The following NEU2 variants were observed in gnomAD, a reference collection of about 807,000 sequenced individuals.
The protein encoded by NEU2 is sialidase-2.
NEU2 carries 7 observed loss-of-function variants against 6.3 expected under a neutral mutation model. The observed-to-expected ratio is 1.12, with a 90% CI of 0.63 to 2.10. The LOEUF is 2.10. Ranked by LOEUF, NEU2 falls within the 30% of genes most tolerant of loss-of-function variation. The pLI is 0.00. For missense variants in NEU2, 509 were observed against 504.0 expected (o/e 1.01, Z -0.09); for synonymous variants, 208 against 223.3 (o/e 0.93, Z 0.61).
At position 233,034,902 on chromosome 2, in the gene NEU2, G is replaced by A. The variant is rs745367449; in HGVS notation, c.988G>A (p.Gly330Ser). 3.1e-6 allele frequency: 5 copies of A among 1,614,024 alleles called. No homozygotes were observed. In the Admixed American group the frequency reaches 5.0e-5, roughly 16 times the overall value. ...AWSEPVLLAK[G>S]SCAYSDLQSM... ...GTCAGAGCCGGTACTGCTGGCCAAGGGCAGCTGTGCCTACTCAGACCTCCA... is the reference window on the plus strand; with the variant it reads ...GTCAGAGCCGGTACTGCTGGCCAAGAGCAGCTGTGCCTACTCAGACCTCCA... Residue 330 changes from glycine to serine, a missense_variant, in exon 2 of 2, where the codon GGC becomes AGC. By Grantham distance (56) the Gly-to-Ser change is moderately conservative (BLOSUM62 0). Transcript: ENST00000233840. The surrounding 1 kb of genome is among the most constrained non-coding windows in gnomAD (Gnocchi z 4.8).
Position 233,034,037 on chromosome 2 carries a change from A to C in NEU2, c.202-79A>C, listed in dbSNP as rs1193114362. On this transcript the variant is annotated intron_variant, in intron 1 of 1. Coordinates refer to ENST00000233840, the MANE Select transcript of NEU2 (RefSeq NM_005383.2). This position sits in a 1 kb window ranked among gnomAD's most constrained non-coding sequence, Gnocchi z 4.8. ...TAACCCGGGAGACACACCCGTGCCC[A>C]CCCCTCCCACTCATGCAGCTCCTGG... is the stretch of plus-strand genomic sequence containing the variant. The C allele has an allele frequency of 1.6e-6, 2 of 1,247,838 alleles. No homozygotes were observed. Among genetic ancestry groups the C allele is most frequent in the Non-Finnish European group, 1.1e-6 (1 of 894,704 alleles). 77.3% of individuals were successfully genotyped at this position (1,247,838 alleles called of 1,614,324 possible). A position where few individuals can be genotyped will look rare whatever the true frequency, so the allele number is the denominator to read the frequency against.
chr2:233,032,784 C>T lies in NEU2; in HGVS notation c.113C>T (p.Ala38Val), dbSNP rs144401355. ...GGGCAGCAGTCCCTGCTGGCCTTCG[C>T]GGAACAGCGGGCAAGCAAGAAGGAT... ...LPGQQSLLAF[A>V]EQRASKKDEH... is the part of the protein sequence containing the mutation. The change falls in exon 1 of 2, where the codon GCG becomes GTG. Residue 38 changes from alanine to valine, a missense_variant. Physicochemically the swap from Ala to Val is moderately conservative, Grantham distance 64. Coordinates refer to ENST00000233840, the MANE Select transcript of NEU2 (RefSeq NM_005383.2). The T allele has an allele frequency of 2.3e-5, 37 of 1,614,070 alleles. No homozygotes were observed. The highest frequency in any genetic ancestry group is 3.3e-4 in the Middle Eastern group (2 of 6,084).
Position 233,034,204 on chromosome 2 carries a change from C to T in NEU2, c.290C>T (p.Thr97Ile). Residue 97 changes from threonine to isoleucine, a missense_variant, in exon 2 of 2, where the codon ACC (threonine) becomes ATC (isoleucine). Thr to Ile is a moderately conservative substitution (Grantham distance 89, BLOSUM62 -1). Transcript: ENST00000233840. The surrounding 1 kb of genome is among the most constrained non-coding windows in gnomAD (Gnocchi z 4.8). ...PCPLYDAQTGTLFLFFIAIPG... is the reference protein window; with the variant it reads ...PCPLYDAQTGILFLFFIAIPG... ...CCCTTGTATGACGCGCAGACGGGGA[C>T]CCTCTTCCTCTTCTTCATTGCCATC... The T allele has an allele frequency of 6.2e-7, 1 of 1,614,144 alleles. No homozygotes were observed. Among genetic ancestry groups the T allele is most frequent in the Non-Finnish European group, 8.5e-7 (1 of 1,180,028 alleles).
chr2:233,034,634 C>G lies in NEU2; in HGVS notation c.720C>G (p.Leu240=). Residue 240 remains leucine, a synonymous_variant, in exon 2 of 2, where the codon CTC becomes CTG. Transcript: ENST00000233840. This position sits in a 1 kb window ranked among gnomAD's most constrained non-coding sequence, Gnocchi z 4.8. ...TGACCCTCAACGCGAGAAGCCACCT[C>G]CGAGCCAGGGTCCAGGCCCAGAGCA... The part of the protein sequence containing the change: ...RVVTLNARSH[L]RARVQAQSTN... The G allele has an allele frequency of 1.9e-6, 3 of 1,604,634 alleles. No individual in the cohort carries two copies. The highest frequency in any genetic ancestry group is 2.6e-6 in the Non-Finnish European group (3 of 1,174,008).
Position 233,034,535 on chromosome 2 carries a change from G to T in NEU2, c.621G>T (p.Ala207=), listed in dbSNP as rs201195712. 2.2e-5 allele frequency: 36 copies of T among 1,614,116 alleles called. 1 individual carries two copies. The East Asian group carries it at 4.9e-4, about 22-fold the overall frequency. ...FLSHDHGRTW[A]RGHFVAQDTL... ...GCCATGACCATGGGCGCACGTGGGC[G>T]CGAGGGCACTTTGTGGCCCAGGACA... Residue 207 remains alanine, a synonymous_variant, in exon 2 of 2, where the codon GCG becomes GCT. Transcript: ENST00000233840. This position sits in a 1 kb window ranked among gnomAD's most constrained non-coding sequence, Gnocchi z 4.8.
At chr2:233,033,004 G>A (rs943990346) in intron 1 of NEU2, 132 bp downstream of exon 1, 8 of 992,156 alleles carry the variant, frequency 8.1e-6, no homozygotes, top group Non-Finnish European at 7.3e-6. Context: ...CTCCGGAGGA[G>A]AGATAGAGCA....
At chr2:233,032,916 C>T (rs548823284) in intron 1 of NEU2, 44 bp downstream of exon 1, 1 of 1,541,860 alleles carries the variant, frequency 6.5e-7, no homozygotes, top group South Asian at 1.2e-5. Flanking sequence ...GGCTCTGCCA[C>T]ACCCTTTGCT....
chr2:233,034,855 G>A lies in NEU2; in HGVS notation c.941G>A (p.Arg314Gln), dbSNP rs1279755072. ...RADLGAYLNP[R>Q]PPAPEAWSEP... Reference sequence around the variant, plus strand: ...GACCTGGGTGCCTACCTCAACCCGCGACCTCCAGCCCCTGAGGCCTGGTCA... The same window carrying A: ...GACCTGGGTGCCTACCTCAACCCGCAACCTCCAGCCCCTGAGGCCTGGTCA... The change falls in exon 2 of 2, where the codon CGA (arginine) becomes CAA (glutamine). Residue 314 changes from arginine (R) to glutamine (Q), a missense_variant. Transcript: ENST00000233840. This position sits in a 1 kb window ranked among gnomAD's most constrained non-coding sequence, Gnocchi z 4.8. 9.3e-6 allele frequency: 15 copies of A among 1,610,746 alleles called. No homozygotes were observed. The highest frequency in any genetic ancestry group is 2.2e-5 in the East Asian group (1 of 44,818).
chr2:233,034,122 G>A lies in NEU2; in HGVS notation c.208G>A (p.Ala70Thr). 6.2e-7 allele frequency: 1 copy of A among 1,609,638 alleles called. No individual in the cohort carries two copies. Among genetic ancestry groups the A allele is most frequent in the Non-Finnish European group, 8.5e-7 (1 of 1,177,834 alleles). The change falls in exon 2 of 2, where the codon GCT becomes ACT. Residue 70 changes from alanine to threonine, a missense_variant. Ala to Thr is a moderately conservative substitution (Grantham distance 58). Transcript: ENST00000233840. The surrounding 1 kb of genome is among the most constrained non-coding windows in gnomAD (Gnocchi z 4.8). ...DAPTHQVQWQ[A>T]QEVVAQARLD... The stretch of plus-strand genomic sequence containing the variant: ...TTTCTCTCTCCCTACTCAGTGGCAA[G>A]CTCAGGAGGTGGTGGCCCAGGCCCG...
At chr2:233,032,940 GCCAGT>G in intron 1 of NEU2, 68 bp downstream of exon 1, 1 of 1,477,650 alleles carries the variant, frequency 6.8e-7, no homozygotes, top group Non-Finnish European at 9.2e-7. Flanking sequence ...GTGATCAGGG[GCCAGT>G]CCTGGATCTC....
At position 233,034,631 on chromosome 2, in the gene NEU2, C is replaced by A; in HGVS notation, c.717C>A (p.His239Gln). Residue 239 changes from histidine (H) to glutamine (Q), a missense_variant, in exon 2 of 2, where the codon CAC (histidine) becomes CAA (glutamine). His to Gln is a conservative substitution (Grantham distance 24). Transcript: ENST00000233840. The surrounding 1 kb of genome is among the most constrained non-coding windows in gnomAD (Gnocchi z 4.8). ...TGGTGACCCTCAACGCGAGAAGCCA[C>A]CTCCGAGCCAGGGTCCAGGCCCAGA... ...QRVVTLNARS[H>Q]LRARVQAQST... 6.2e-7 allele frequency: 1 copy of A among 1,605,396 alleles called. No homozygotes were observed. The highest frequency in any genetic ancestry group is 8.5e-7 in the Non-Finnish European group (1 of 1,174,510).
In NEU2 at chr2:233,034,805, C is replaced by A. The variant is rs776052047; in HGVS notation, c.891C>A (p.His297Gln). ...CAGCCCAGTGGCTGCTCTACACTCA[C>A]CCCACACACTCCTGGCAGAGGGCCG... ...GSPAQWLLYT[H>Q]PTHSWQRADL... Residue 297 changes from histidine (H) to glutamine (Q), a missense_variant, in exon 2 of 2, where the codon CAC (histidine) becomes CAA (glutamine). By Grantham distance (24) the His-to-Gln change is conservative. Coordinates refer to ENST00000233840, the MANE Select transcript of NEU2 (RefSeq NM_005383.2). The surrounding 1 kb of genome is among the most constrained non-coding windows in gnomAD (Gnocchi z 4.8). 6.3e-7 allele frequency: 1 copy of A among 1,579,896 alleles called. No homozygotes were observed. Among genetic ancestry groups the A allele is most frequent in the East Asian group, 2.2e-5 (1 of 44,578 alleles).
chr2:233,032,965 AG>A, intron 1 of NEU2, 93 bp downstream of exon 1: 1 of 1,339,832 alleles, frequency 7.5e-7, no homozygotes, highest in Non-Finnish European at 1.0e-6. Flanking sequence ...CAAGAAATAC[AG>A]GGACAACTTT....
rs745367449 is a variant in NEU2 at position 233,034,902 on chromosome 2, G to T, written c.988G>T (p.Gly330Cys). Residue 330 changes from glycine (G) to cysteine (C), a missense_variant, in exon 2 of 2, where the codon GGC (glycine) becomes TGC (cysteine). Physicochemically the swap from Gly to Cys is radical, Grantham distance 159 (BLOSUM62 -3). Coordinates refer to ENST00000233840, the MANE Select transcript of NEU2 (RefSeq NM_005383.2). This position sits in a 1 kb window ranked among gnomAD's most constrained non-coding sequence, Gnocchi z 4.8. ...AWSEPVLLAK[G>C]SCAYSDLQSM... ...GTCAGAGCCGGTACTGCTGGCCAAG[G>T]GCAGCTGTGCCTACTCAGACCTCCA... 4.3e-6 allele frequency: 7 copies of T among 1,614,024 alleles called. No homozygotes were observed. In the East Asian group the frequency reaches 1.3e-4, roughly 31 times the overall value.
chr2:233,034,418 C>T lies in NEU2; in HGVS notation c.504C>T (p.His168=), dbSNP rs2233392. 660 of 1,614,008 alleles carry T rather than the reference C, an allele frequency of 4.1e-4. 8 individuals carry two copies. In the East Asian group the frequency reaches 0.014, roughly 35 times the overall value. Residue 168 remains histidine, a synonymous_variant, in exon 2 of 2, where the codon CAC becomes CAT. Coordinates refer to ENST00000233840, the MANE Select transcript of NEU2 (RefSeq NM_005383.2). The surrounding 1 kb of genome is among the most constrained non-coding windows in gnomAD (Gnocchi z 4.8). ...AVGPGHCLQL[H]DRARSLVVPA... ...GCCCGGGGCATTGTTTGCAGCTTCA[C>T]GACAGGGCCCGGAGCCTGGTGGTGC...
At position 233,034,405 on chromosome 2, in the gene NEU2, G is replaced by T; in HGVS notation, c.491G>T (p.Cys164Phe). Residue 164 changes from cysteine (C) to phenylalanine (F), a missense_variant, in exon 2 of 2, where the codon TGT becomes TTT. Cys to Phe is a radical substitution (Grantham distance 205). Coordinates refer to ENST00000233840, the MANE Select transcript of NEU2 (RefSeq NM_005383.2). This position sits in a 1 kb window ranked among gnomAD's most constrained non-coding sequence, Gnocchi z 4.8. ...WSTFAVGPGH[C>F]LQLHDRARSL... ...ACCTTTGCAGTGGGCCCGGGGCATT[G>T]TTTGCAGCTTCACGACAGGGCCCGG... 6.2e-7 allele frequency: 1 copy of T among 1,613,998 alleles called. No homozygotes were observed. The highest frequency in any genetic ancestry group is 8.5e-7 in the Non-Finnish European group (1 of 1,179,896).
rs753794485 is a variant in NEU2 at position 233,034,761 on chromosome 2, C to A, written c.847C>A (p.Arg283Ser). ...GAGCGTCATCAGCTTCCCCAGCCCC[C>A]GCTCGGGGCCTGGCTCCCCAGCCCA... ...QGSVISFPSP[R>S]SGPGSPAQWL... is the part of the protein sequence containing the mutation. The change falls in exon 2 of 2, where the codon CGC becomes AGC. Residue 283 changes from arginine (R) to serine (S), a missense_variant. By Grantham distance (110) the Arg-to-Ser change is moderately radical (BLOSUM62 -1). Coordinates refer to ENST00000233840, the MANE Select transcript of NEU2 (RefSeq NM_005383.2). The surrounding 1 kb of genome is among the most constrained non-coding windows in gnomAD (Gnocchi z 4.8). 14 of 1,535,410 alleles carry A rather than the reference C, an allele frequency of 9.1e-6. No individual in the cohort carries two copies. Among genetic ancestry groups the A allele is most frequent in the South Asian group, 6.4e-5 (5 of 78,196 alleles).
chr2:233,034,542 C>A lies in NEU2; in HGVS notation c.628C>A (p.His210Asn). The change falls in exon 2 of 2, where the codon CAC (histidine) becomes AAC (asparagine). Residue 210 changes from histidine to asparagine, a missense_variant. His to Asn is a moderately conservative substitution (Grantham distance 68). Transcript: ENST00000233840. The surrounding 1 kb of genome is among the most constrained non-coding windows in gnomAD (Gnocchi z 4.8). ...CCATGGGCGCACGTGGGCGCGAGGG[C>A]ACTTTGTGGCCCAGGACACCCTGGA... Reference protein sequence around the residue: ...HDHGRTWARGHFVAQDTLECQ... With the variant: ...HDHGRTWARGNFVAQDTLECQ... 6.2e-7 allele frequency: 1 copy of A among 1,614,066 alleles called. No homozygotes were observed. The highest frequency in any genetic ancestry group is 1.1e-5 in the South Asian group (1 of 91,064).
In NEU2 at chr2:233,034,663, A is replaced by G. The variant is rs1246926543; in HGVS notation, c.749A>G (p.Asn250Ser). ...LRARVQAQST[N>S]DGLDFQESQL... ...GCCAGGGTCCAGGCCCAGAGCACCA[A>G]TGACGGGCTTGATTTCCAGGAGTCT... The change falls in exon 2 of 2, where the codon AAT becomes AGT. Residue 250 changes from asparagine (N) to serine (S), a missense_variant. Asn to Ser is a conservative substitution (Grantham distance 46). Coordinates refer to ENST00000233840, the MANE Select transcript of NEU2 (RefSeq NM_005383.2). The surrounding 1 kb of genome is among the most constrained non-coding windows in gnomAD (Gnocchi z 4.8). The G allele has an allele frequency of 4.4e-6, 7 of 1,574,632 alleles. No individual in the cohort carries two copies. The African/African-American group carries it at 5.4e-5, about 12-fold the overall frequency.
Sources: gnomAD v4.1 joint callset for allele counts on GRCh38, gnomAD v4.1.1 for gene constraint, Gnocchi (gnomAD v3.1) non-coding constraint, MANE v1.5 for transcripts, NCBI Gene and HGNC (gene_info 2026-07-23, HGNC 2026-07-21) for gene names.